The following WNT5A variants were observed in gnomAD, a reference collection of about 807,000 sequenced individuals.
The protein encoded by WNT5A is Wnt family member 5A.
A neutral mutation model predicts 42.1 loss-of-function variants in WNT5A; 9 were observed. The observed-to-expected ratio is 0.21, with a 90% confidence interval of 0.13 to 0.37. The LOEUF (loss-of-function observed/expected upper bound fraction) is 0.37, where lower values mean the gene tolerates loss of function less well. WNT5A is among the 10% of genes least tolerant of loss of function. The pLI, the probability that WNT5A is intolerant of heterozygous loss-of-function variation, is 1.00. For missense variants in WNT5A, 426 were observed against 534.0 expected, an observed-to-expected ratio of 0.80 and a Z score of 1.99; for synonymous variants, 210 against 210.0, an observed-to-expected ratio of 1.00 and a Z score of 0.00.
chr3:55,485,305 G>C (rs1440875548), intron 1 of WNT5A, among the ~76,000 whole-genome samples: 1 of 150,304 alleles, frequency 6.7e-6, no homozygotes, highest in Non-Finnish European at 1.5e-5. Flanking sequence ...AAAAGGCCGC[G>C]GGGATGGCTC....
intron 1 of WNT5A, among the ~76,000 whole-genome samples, chr3:55,482,359 A>G (rs1010440650): frequency 1.1e-4 from 16 of 152,196 alleles, no homozygotes; most frequent in African/African-American, 3.9e-4. Context: ...AGCGGGTTTT[A>G]AAAATCCCCT....
intron 1 of WNT5A, among the ~76,000 whole-genome samples, chr3:55,486,045 C>T (rs989159744): frequency 4.7e-4 from 71 of 152,260 alleles, no homozygotes; most frequent in African/African-American, 1.7e-3. Context: ...CAGGAAGAAA[C>T]GTTAACTTTT....
At chr3:55,499,312 A>T in the WNT5A span, among the ~76,000 whole-genome samples, 6 of 152,178 alleles carry the variant, frequency 3.9e-5, no homozygotes, top group African/African-American at 1.2e-4. Flanking sequence ...TCCATGTGTG[A>T]GTAAAGCAAG....
upstream of WNT5A, chr3:55,489,061 G>A (rs1295171050): frequency 6.6e-6 from 1 of 152,184 alleles, no homozygotes; most frequent in African/African-American, 2.4e-5. Context: ...GCCCTCAGGT[G>A]AGGAGATTGC....
intron 4 of WNT5A, among the ~76,000 whole-genome samples, chr3:55,471,794 C>T (rs2051257043): frequency 6.6e-6 from 1 of 152,188 alleles, no homozygotes; most frequent in Non-Finnish European, 1.5e-5. Context: ...CCTCCAGAGT[C>T]CACGTGGTGT....
At chr3:55,481,715 C>T (rs1411722119) in intron 1 of WNT5A, among the ~76,000 whole-genome samples, 1 of 152,076 alleles carries the variant, frequency 6.6e-6, no homozygotes, top group African/African-American at 2.4e-5. Context: ...GTCGGGTCTC[C>T]CAACCAAGGA....
the WNT5A span, among the ~76,000 whole-genome samples, chr3:55,499,772 C>T: frequency 4.6e-5 from 7 of 152,090 alleles, no homozygotes; most frequent in South Asian, 1.0e-3. Context: ...GTCAGGAGTT[C>T]GAGACCAGCC....
At chr3:55,485,668 G>C (rs1032734197) in intron 1 of WNT5A, among the ~76,000 whole-genome samples, 10 of 152,158 alleles carry the variant, frequency 6.6e-5, no homozygotes, top group Non-Finnish European at 1.2e-4. Flanking sequence ...AGGTGGCTGG[G>C]GGGAGGGCAG....
rs541170720 is a variant in WNT5A, at chr3:55,466,040, A to T, written c.*4052T>A. 6.6e-6 allele frequency: 1 copy of T among 152,332 alleles called. No homozygotes were observed. Among genetic ancestry groups the T allele is most frequent in the South Asian group, 2.1e-4 (1 of 4,822 alleles). 9.4% of individuals were successfully genotyped at this position (152,332 alleles called of 1,614,324 possible). ...AGTGTAAAGTTTGTGTGAACAGGGA[A>T]ATTAGATCATTTCTCTAAGTTTTAA... On this transcript the variant is annotated 3_prime_UTR_variant, in exon 5 of 5. Transcript: ENST00000264634.
chr3:55,500,222 C>G, the WNT5A span, among the ~76,000 whole-genome samples: 1 of 152,082 alleles, frequency 6.6e-6, no homozygotes, highest in Non-Finnish European at 1.5e-5. Context: ...AGGATTGCAC[C>G]TGGAAAATCA....
upstream of WNT5A, among the ~76,000 whole-genome samples, chr3:55,492,226 TTG>T (rs143362527): frequency 0.061 from 3,020 of 49,304 alleles, 81 homozygotes; most frequent in African/African-American, 0.22. Context: ...CAATGGTGCT[TTG>T]TGGCGGGGGG....
rs1411528153 is a variant in WNT5A at position 55,480,802 on chromosome 3, A to C, written c.123T>G (p.Ile41Met). The stretch of plus-strand genomic sequence containing the variant: ...GAACTTACCACCAAGAATTGGCTTC[A>C]ATTACAACCTGGGCGAAGGAGAAAA... ...AIFFSFAQVV[I>M]EANSWWSLGM... is the part of the protein sequence containing the mutation. The change falls in exon 2 of 5, where the codon ATT (isoleucine) becomes ATG (methionine). Residue 41 changes from isoleucine to methionine, a missense_variant. Transcript: ENST00000264634. The C allele has an allele frequency of 1.9e-6, 3 of 1,569,432 alleles. No homozygotes were observed. The South Asian group carries it at 3.6e-5, about 19-fold the overall frequency.
upstream of WNT5A, chr3:55,490,266 C>G (rs922907420): frequency 2.0e-5 from 3 of 152,340 alleles, no homozygotes; most frequent in African/African-American, 4.8e-5. Flanking sequence ...TTTTTAATGG[C>G]TATTTTCTGA....
intron 1 of WNT5A, 112 bp from the exon 2 acceptor site, chr3:55,481,030 G>C: frequency 4.3e-6 from 5 of 1,162,256 alleles, no homozygotes; most frequent in Non-Finnish European, 4.4e-6. Flanking sequence ...TTGATTGACT[G>C]CGCTTCTCCT....
rs2051155029 is a variant in WNT5A at position 55,467,014 on chromosome 3, A to G, written c.*3078T>C. 6.6e-6 allele frequency: 1 copy of G among 152,202 alleles called. No individual in the cohort carries two copies. 9.4% of individuals were successfully genotyped at this position (152,202 alleles called of 1,614,324 possible). A position where few individuals can be genotyped will look rare whatever the true frequency, so the allele number is the denominator to read the frequency against. On this transcript the variant is annotated 3_prime_UTR_variant, in exon 5 of 5. Transcript: ENST00000264634. ...TTCCGTGTACATTTTTGAAAAGCAC[A>G]ATAACTTGTATTAATTGCACTTAAC...
At chr3:55,484,713 C>T (rs1170720011) in intron 1 of WNT5A, among the ~76,000 whole-genome samples, 1 of 151,232 alleles carries the variant, frequency 6.6e-6, no homozygotes, top group African/African-American at 2.4e-5. Context: ...CACACACACA[C>T]ACACACACAC....
chr3:55,494,706 T>A (rs2051696891), upstream of WNT5A, among the ~76,000 whole-genome samples: 1 of 152,152 alleles, frequency 6.6e-6, no homozygotes, highest in Non-Finnish European at 1.5e-5. Flanking sequence ...GCCTGGCTAA[T>A]TTTTGCATTT....
chr3:55,471,115 G>C (rs1259091975), intron 4 of WNT5A, among the ~76,000 whole-genome samples: 2 of 152,188 alleles, frequency 1.3e-5, no homozygotes, highest in African/African-American at 4.8e-5. Flanking sequence ...GCCCCAGTGG[G>C]ATCAGGGTTC....
the WNT5A span, among the ~76,000 whole-genome samples, chr3:55,495,992 T>C: frequency 6.6e-6 from 1 of 152,212 alleles, no homozygotes; most frequent in Non-Finnish European, 1.5e-5. Flanking sequence ...TTTTTAACTT[T>C]TCAAGAATTT....
Sources: allele counts gnomAD v4.1 joint callset (sites outside exome capture counted in the v4.1 genomes callset), GRCh38; gene constraint gnomAD v4.1.1; transcripts MANE v1.5; gene names NCBI Gene and HGNC (gene_info 2026-07-23, HGNC 2026-07-21).